Variants in VRK2 observed in about 807,000 individuals in gnomAD.
The protein encoded by VRK2 is serine/threonine-protein kinase VRK2.
In VRK2, 60 loss-of-function variants were observed where a neutral mutation model predicts 57.6. That is an observed-to-expected ratio of 1.04 (90% confidence interval 0.85 to 1.29). The LOEUF (loss-of-function observed/expected upper bound fraction) is 1.29, where lower values mean the gene tolerates loss of function less well. Among genes scored for constraint, VRK2 ranks in the 50% most tolerant of loss-of-function variants. The probability of loss-of-function intolerance (pLI) is 0.00; values close to 1 mark genes in which losing one functional copy is unlikely to be tolerated. For synonymous variants in VRK2, 231 were observed against 199.2 expected, an observed-to-expected ratio of 1.16 and a Z score of -1.35; for missense variants, 705 against 588.1, an observed-to-expected ratio of 1.20 and a Z score of -2.06.
chr2:58,007,166 C>T (rs952424381), intron 1 of VRK2, among the ~76,000 whole-genome samples: 6 of 151,708 alleles, frequency 4.0e-5, no homozygotes, highest in Non-Finnish European at 7.4e-5. Flanking sequence ...TGGGACTTCT[C>T]AGCCTCCAAA....
At chr2:58,060,259 A>G (rs1406970050) in intron 2 of VRK2, among the ~76,000 whole-genome samples, 2 of 151,956 alleles carry the variant, frequency 1.3e-5, no homozygotes, top group African/African-American at 4.8e-5. Flanking sequence ...TTCCAGAATA[A>G]TCAGAATGTC....
intron 7 of VRK2, among the ~76,000 whole-genome samples, chr2:58,121,230 T>G (rs954319694): frequency 1.3e-5 from 2 of 152,344 alleles, no homozygotes; most frequent in South Asian, 4.1e-4. Flanking sequence ...CTCATAAAAT[T>G]TAAGTCTTAT....
chr2:57,963,973 CTCTA>C (rs1203165905), intron 1 of VRK2, among the ~76,000 whole-genome samples: 4 of 152,158 alleles, frequency 2.6e-5, no homozygotes, highest in Non-Finnish European at 4.4e-5. Flanking sequence ...AAATAGCCGC[CTCTA>C]TCTTTCTTCA....
intron 2 of VRK2, among the ~76,000 whole-genome samples, chr2:58,028,933 T>C (rs1362216840): frequency 7.3e-6 from 1 of 137,364 alleles, no homozygotes; most frequent in Non-Finnish European, 1.6e-5. Flanking sequence ...TATATATATA[T>C]ATATATATAT....
chr2:58,042,210 G>C (rs140659807), upstream of VRK2, among the ~76,000 whole-genome samples: 11 of 152,228 alleles, frequency 7.2e-5, no homozygotes, highest in African/African-American at 2.6e-4. Context: ...TATAGACAAT[G>C]AAGAATTATG....
At chr2:57,935,466 C>T (rs1670874928) in intron 1 of VRK2, among the ~76,000 whole-genome samples, 1 of 152,138 alleles carries the variant, frequency 6.6e-6, no homozygotes, top group African/African-American at 2.4e-5. Context: ...TCAGTAGGGT[C>T]AAATCATCTG....
At position 58,019,994 on chromosome 2, in the gene VRK2, G is replaced by A. The variant is rs188034306; in HGVS notation, c.-438-5671G>A. Among the ~76,000 whole-genome samples, 10 of 152,184 alleles carry A rather than the reference G, an allele frequency of 6.6e-5. No individual in the cohort carries two copies. The East Asian group carries it at 1.7e-3, about 26-fold the overall frequency. On this transcript the variant is annotated intron_variant, in intron 1 of 15. Coordinates refer to the VRK2 transcript ENST00000417641. ...ATCTAAAACAACGTGACATAACTAC[G>A]AATAAACATATTAAAACATGTAGAA...
intron 7 of VRK2, among the ~76,000 whole-genome samples, chr2:58,104,645 G>A (rs1025152110): frequency 6.6e-6 from 1 of 151,696 alleles, no homozygotes; most frequent in South Asian, 2.1e-4. Flanking sequence ...AAAACAATCT[G>A]CAGATTCAGT....
intron 1 of VRK2, among the ~76,000 whole-genome samples, chr2:58,009,806 G>A (rs528093034): frequency 9.9e-5 from 15 of 151,786 alleles, no homozygotes; most frequent in African/African-American, 2.2e-4. Context: ...TTAAGCCTAC[G>A]CTTTACTTAC....
At chr2:58,031,651 C>T (rs1452266575) in intron 2 of VRK2, among the ~76,000 whole-genome samples, 2 of 152,060 alleles carry the variant, frequency 1.3e-5, no homozygotes, top group Admixed American at 1.3e-4. Flanking sequence ...TTATATCTTT[C>T]CCATTCTCTG....
At chr2:57,962,896 G>C (rs1167108260) in intron 1 of VRK2, among the ~76,000 whole-genome samples, 1 of 152,112 alleles carries the variant, frequency 6.6e-6, no homozygotes, top group Non-Finnish European at 1.5e-5. Flanking sequence ...TTTGTGCTGT[G>C]AAGTTCAACA....
rs57943937 is a variant in VRK2, at chr2:57,926,998, T to TTG, written c.-439+19191_-439+19192dup. Among the ~76,000 whole-genome samples the TTG allele has an allele frequency of 8.4e-3, 1,202 of 142,818 alleles. 10 individuals are homozygous for TTG. The highest frequency in any genetic ancestry group is 0.026 in the Middle Eastern group (7 of 268). The allele number at this position is 142,818 out of a possible 152,430, so 93.7% of individuals were successfully genotyped here. ...TTCTCTGGTAATATGTTTTAATTTC[T>TTG]TGTGTGTGTGTGTGTGTGTGTGTGT... On this transcript the variant is annotated intron_variant, in intron 1 of 15. Transcript: ENST00000417641.
chr2:58,084,751 T>C, intron 3 of VRK2, 130 bp from the exon 4 acceptor site: 2 of 556,470 alleles, frequency 3.6e-6, no homozygotes, highest in East Asian at 3.5e-5. Flanking sequence ...CTGGTGCCTA[T>C]GTTTTATAAA....
intron 1 of VRK2, among the ~76,000 whole-genome samples, chr2:58,002,967 T>C (rs1191206865): frequency 6.6e-6 from 1 of 152,244 alleles, no homozygotes; most frequent in Non-Finnish European, 1.5e-5. Flanking sequence ...ATGCCACTTA[T>C]ATACAATAGT....
chr2:58,146,498 T>G (rs746298226), intron 12 of VRK2, 24 bp downstream of exon 12: 15 of 1,595,484 alleles, frequency 9.4e-6, no homozygotes, highest in Non-Finnish European at 3.4e-6. Flanking sequence ...TTGTGTGTGT[T>G]TTTTCTAACT....
At chr2:58,084,798 G>A (rs1259981922) in intron 3 of VRK2, 83 bp from the exon 4 acceptor site, 1 of 905,870 alleles carries the variant, frequency 1.1e-6, no homozygotes, top group Non-Finnish European at 1.7e-6. Context: ...ACATATATAT[G>A]TTCATATTTT....
At chr2:57,993,780 C>T (rs1348894628) in intron 1 of VRK2, among the ~76,000 whole-genome samples, 2 of 152,180 alleles carry the variant, frequency 1.3e-5, no homozygotes, top group African/African-American at 4.8e-5. Context: ...ATGGCACTAG[C>T]AGCTCTTTGA....
chr2:58,119,996 C>A (rs1013176586), intron 7 of VRK2, among the ~76,000 whole-genome samples: 2 of 151,642 alleles, frequency 1.3e-5, no homozygotes, highest in Admixed American at 6.6e-5. Flanking sequence ...GAACATTTCT[C>A]ATTGGTTGGA....
chr2:57,988,701 C>G (rs1219240554), intron 1 of VRK2, among the ~76,000 whole-genome samples: 1 of 152,188 alleles, frequency 6.6e-6, no homozygotes, highest in Admixed American at 6.5e-5. Context: ...GATACCACCT[C>G]CACCTACTTC....
Sources: gnomAD v4.1 joint callset for allele counts (sites outside exome capture counted in the v4.1 genomes callset) on GRCh38, gnomAD v4.1.1 for gene constraint, MANE v1.5 for transcripts, NCBI Gene and HGNC (gene_info 2026-07-23, HGNC 2026-07-21) for gene names.